Variants in FGF1 observed in about 807,000 individuals in gnomAD.
The protein encoded by FGF1 is beta-endothelial cell growth factor.
A neutral mutation model predicts 13.4 loss-of-function variants in FGF1; 9 were observed. The ratio of observed to expected loss-of-function variants is 0.67; its 90% CI spans 0.40 to 1.17. The LOEUF (loss-of-function observed/expected upper bound fraction) is 1.17, where lower values mean the gene tolerates loss of function less well. Among genes scored for constraint, FGF1 ranks in the 50% most tolerant of loss-of-function variants. The pLI is 0.01. For missense variants in FGF1, 156 were observed against 192.7 expected (o/e 0.81, Z 1.13); for synonymous variants, 93 against 79.0 (o/e 1.18, Z -0.94).
At chr5:142,692,856 AAACC>A (rs1211191790) in intron 2 of FGF1, among the ~76,000 whole-genome samples, 1 of 151,232 alleles carries the variant, frequency 6.6e-6, no homozygotes, top group African/African-American at 2.5e-5. Context: ...ACAAACAAAC[AAACC>A]CAATCTGGAT....
intron 2 of FGF1, among the ~76,000 whole-genome samples, chr5:142,694,758 C>A (rs1458104943): frequency 6.6e-6 from 1 of 152,130 alleles, no homozygotes; most frequent in Admixed American, 6.5e-5. Flanking sequence ...ACCACCCTAC[C>A]CCCGTTTAAT....
intron 1 of FGF1, among the ~76,000 whole-genome samples, chr5:142,650,894 G>A (rs1268280224): frequency 6.6e-6 from 1 of 151,998 alleles, no homozygotes; most frequent in Admixed American, 6.6e-5. Context: ...TGGTGGGGTG[G>A]GGAGCAAGTC....
At chr5:142,637,004 A>G (rs1439015965) in intron 1 of FGF1, among the ~76,000 whole-genome samples, 1 of 151,970 alleles carries the variant, frequency 6.6e-6, no homozygotes, top group East Asian at 1.9e-4. Flanking sequence ...AAGGCAAGGA[A>G]ATCAGCTGCA....
At chr5:142,646,476 C>G (rs1766139251) in intron 1 of FGF1, among the ~76,000 whole-genome samples, 1 of 152,084 alleles carries the variant, frequency 6.6e-6, no homozygotes. Context: ...CCTCAGCCTC[C>G]CGAGTAGCTG....
chr5:142,669,098 G>A (rs1012488631), intron 1 of FGF1, among the ~76,000 whole-genome samples: 2 of 152,246 alleles, frequency 1.3e-5, no homozygotes, highest in African/African-American at 4.8e-5. Flanking sequence ...GGGACACACA[G>A]GGTTAGTGCA....
intron 1 of FGF1, among the ~76,000 whole-genome samples, chr5:142,634,655 G>A (rs527963715): frequency 4.6e-5 from 7 of 152,282 alleles, no homozygotes; most frequent in Non-Finnish European, 2.9e-5. Flanking sequence ...AGTCCAGTAC[G>A]CAGCATATGA....
chr5:142,617,296 C>T (rs114944560), intron 1 of FGF1, among the ~76,000 whole-genome samples: 2,324 of 152,096 alleles, frequency 0.015, 61 homozygotes, highest in African/African-American at 0.052. Context: ...ACCTGGGAGA[C>T]GACAGTTGCA....
chr5:142,627,951 G>A (rs1212629299), intron 1 of FGF1, among the ~76,000 whole-genome samples: 1 of 152,082 alleles, frequency 6.6e-6, no homozygotes, highest in African/African-American at 2.4e-5. Context: ...ACCACCGATG[G>A]CTCTCATGGT....
chr5:142,694,775 G>C (rs900645510), intron 2 of FGF1, among the ~76,000 whole-genome samples: 7 of 152,138 alleles, frequency 4.6e-5, no homozygotes, highest in African/African-American at 1.4e-4. Context: ...TAATTAAAAA[G>C]CACCCTACTC....
At chr5:142,601,644 T>A (rs1756600135) in intron 2 of FGF1, among the ~76,000 whole-genome samples, 1 of 152,040 alleles carries the variant, frequency 6.6e-6, no homozygotes, top group African/African-American at 2.4e-5. Context: ...TGGCATCTAG[T>A]GGGTAGAGGC....
intron 3 of FGF1, among the ~76,000 whole-genome samples, chr5:142,597,605 T>G (rs1239925826): frequency 6.6e-6 from 1 of 152,236 alleles, no homozygotes; most frequent in African/African-American, 2.4e-5. Context: ...ACAGGTATAT[T>G]AAAACACTTA....
At chr5:142,652,632 C>A (rs545323209) in intron 1 of FGF1, among the ~76,000 whole-genome samples, 1 of 152,316 alleles carries the variant, frequency 6.6e-6, no homozygotes, top group African/African-American at 2.4e-5. Context: ...TGTGCCCACC[C>A]CAGGCCACTA....
intron 1 of FGF1, among the ~76,000 whole-genome samples, chr5:142,684,028 T>C (rs1297104278): frequency 6.6e-6 from 1 of 152,114 alleles, no homozygotes; most frequent in African/African-American, 2.4e-5. Flanking sequence ...TTTACTTTCT[T>C]AATAAAAAGA....
intron 2 of FGF1, among the ~76,000 whole-genome samples, chr5:142,696,387 C>T (rs570378205): frequency 2.3e-4 from 35 of 152,298 alleles, no homozygotes; most frequent in African/African-American, 7.7e-4. Context: ...GGGAAACACC[C>T]CTTCATTGCT....
intron 1 of FGF1, among the ~76,000 whole-genome samples, chr5:142,640,200 A>G (rs577520868): frequency 2.6e-5 from 4 of 152,170 alleles, no homozygotes; most frequent in African/African-American, 9.7e-5. Context: ...CGTTCAACAA[A>G]TATGTATTAA....
Position 142,593,413 on chromosome 5 carries a change from GCTTA to G in FGF1, c.*1873_*1876del, listed in dbSNP as rs2151799538. 1 of 152,284 alleles carries G rather than the reference GCTTA, an allele frequency of 6.6e-6. No homozygotes were observed. The highest frequency in any genetic ancestry group is 2.1e-4 in the South Asian group (1 of 4,830). The allele number at this position is 152,284 out of a possible 1,614,324, so 9.4% of individuals were successfully genotyped here. A position where few individuals can be genotyped will look rare whatever the true frequency, so the allele number is the denominator to read the frequency against. Reference sequence around the variant, plus strand: ...AATACTATTATTAACCATAATGTCAGCTTACTTAGGTCAATTCTTCAATTGCACT... The same window carrying G: ...AATACTATTATTAACCATAATGTCAGCTTAGGTCAATTCTTCAATTGCACT... On this transcript the variant is annotated 3_prime_UTR_variant, in exon 4 of 4. Coordinates refer to ENST00000337706, the MANE Select transcript of FGF1 (RefSeq NM_000800.5).
intron 1 of FGF1, among the ~76,000 whole-genome samples, chr5:142,674,175 T>C: frequency 6.6e-6 from 1 of 152,228 alleles, no homozygotes. Context: ...CCTGGTGCCT[T>C]GTTTGTTCTC....
rs543229563 is a variant in FGF1, at chr5:142,604,249, G to A, written c.170-3444C>T. Among the ~76,000 whole-genome samples, 6 of 152,278 alleles carry A rather than the reference G, an allele frequency of 3.9e-5. No individual in the cohort carries two copies. In the South Asian group the frequency reaches 1.2e-3, roughly 32 times the overall value. On this transcript the variant is annotated intron_variant, in intron 2 of 3. Transcript: ENST00000337706. ...ATTGTACAACTTAAATAGGTGAATT[G>A]TATGGTATGTGTGTTATCTCAATAA... is the stretch of plus-strand genomic sequence containing the variant.
At chr5:142,629,109 T>C (rs900383876) in intron 1 of FGF1, among the ~76,000 whole-genome samples, 24 of 152,214 alleles carry the variant, frequency 1.6e-4, no homozygotes, top group African/African-American at 5.5e-4. Context: ...AGTTACTAGA[T>C]TGTAAAATTT....
Sources: gnomAD v4.1 joint callset for allele counts (sites outside exome capture counted in the v4.1 genomes callset) on GRCh38, gnomAD v4.1.1 for gene constraint, MANE v1.5 for transcripts, NCBI Gene and HGNC (gene_info 2026-07-23, HGNC 2026-07-21) for gene names.